BMPR1B: variants seen among roughly 807,000 people sequenced by gnomAD.
BMPR1B encodes bone morphogenetic protein receptor type 1B.
A neutral mutation model predicts 59.1 loss-of-function variants in BMPR1B; 12 were observed. The ratio of observed to expected loss-of-function variants is 0.20; its 90% confidence interval spans 0.13 to 0.33. BMPR1B has a LOEUF of 0.33. Ranked by LOEUF, BMPR1B falls within the 10% of genes least tolerant of loss-of-function variation. The pLI, the probability that BMPR1B is intolerant of heterozygous loss-of-function variation, is 1.00. For synonymous variants in BMPR1B, 237 were observed against 207.3 expected (o/e 1.14, Z -1.23); for missense variants, 550 against 610.9 (o/e 0.90, Z 1.05).
chr4:94,839,434 C>G (rs376949043), intron 1 of BMPR1B, among the ~76,000 whole-genome samples: 20,631 of 145,010 alleles, frequency 0.14, 2,106 homozygotes, highest in Non-Finnish European at 0.18. Flanking sequence ...CTTTATGAAT[C>G]TGGGTGCTCC....
intron 2 of BMPR1B, among the ~76,000 whole-genome samples, chr4:94,936,141 G>A (rs573263763): frequency 9.9e-5 from 15 of 152,284 alleles, no homozygotes; most frequent in South Asian, 2.1e-4. Context: ...TTATCTGACC[G>A]TGGTATTCAT....
chr4:94,867,211 C>A (rs1173101803), intron 1 of BMPR1B, among the ~76,000 whole-genome samples: 4 of 152,134 alleles, frequency 2.6e-5, no homozygotes, highest in African/African-American at 9.7e-5. Context: ...ACCCCATTCT[C>A]AAGCATGCCT....
chr4:95,029,227 C>T (rs1718267349), intron 3 of BMPR1B, among the ~76,000 whole-genome samples: 1 of 151,420 alleles, frequency 6.6e-6, no homozygotes, highest in Admixed American at 6.6e-5. Flanking sequence ...AGGTATATCT[C>T]CTAATGCTAT....
At chr4:95,053,281 T>TTGTGTTTGTGTGTGTGTGTGTGTG in intron 3 of BMPR1B, among the ~76,000 whole-genome samples, 1 of 134,252 alleles carries the variant, frequency 7.4e-6, no homozygotes, top group South Asian at 2.6e-4. Context: ...TGCAGGGCAC[T>TTGTGTTTGTGTGTGTGTGTGTGTG]TGTGTGTGTG....
intron 2 of BMPR1B, among the ~76,000 whole-genome samples, chr4:94,878,897 C>T (rs1303812788): frequency 6.6e-6 from 1 of 152,084 alleles, no homozygotes; most frequent in African/African-American, 2.4e-5. Context: ...CTCTTTGACT[C>T]ATTTATATCA....
intron 8 of BMPR1B, among the ~76,000 whole-genome samples, chr4:95,125,697 A>G (rs1181362836): frequency 1.3e-5 from 2 of 152,206 alleles, no homozygotes; most frequent in South Asian, 2.1e-4. Flanking sequence ...TTTGGTATTA[A>G]TGAATTAGAT....
chr4:94,967,640 GC>G (rs1730603773), intron 2 of BMPR1B, among the ~76,000 whole-genome samples: 1 of 151,936 alleles, frequency 6.6e-6, no homozygotes, highest in African/African-American at 2.4e-5. Flanking sequence ...ACGCCACCAT[GC>G]CCGGCTAATT....
intron 12 of BMPR1B, among the ~76,000 whole-genome samples, chr4:95,153,154 GA>G (rs1295395600): frequency 6.6e-6 from 1 of 151,970 alleles, no homozygotes; most frequent in Non-Finnish European, 1.5e-5. Context: ...TTTGATTAGA[GA>G]AAAAAAGTAG....
Position 95,054,856 on chromosome 4 carries a change from GA to G in BMPR1B, c.-17-49551del, listed in dbSNP as rs576448420. 1.4e-3 allele frequency among the ~76,000 whole-genome samples: 207 copies of G among 152,266 alleles called. 2 individuals carry two copies. The highest frequency in any genetic ancestry group is 2.1e-3 in the Non-Finnish European group (141 of 67,992). ...ATGGTGGCAACAATGTACCCGTCCT[GA>G]CGAGGATAGGCCTCATGTTCCCACA... On this transcript the variant is annotated intron_variant, in intron 3 of 12. Transcript: ENST00000515059.
At chr4:94,931,852 T>C (rs1224639057) in intron 2 of BMPR1B, among the ~76,000 whole-genome samples, 1 of 152,008 alleles carries the variant, frequency 6.6e-6, no homozygotes, top group African/African-American at 2.4e-5. Context: ...GGCGTTTCCA[T>C]TGTCTGGTCA....
chr4:94,936,891 G>C (rs1729325164), intron 2 of BMPR1B, among the ~76,000 whole-genome samples: 1 of 151,894 alleles, frequency 6.6e-6, no homozygotes, highest in Admixed American at 6.6e-5. Context: ...CTCTAAAATA[G>C]TTTGTTAACA....
chr4:94,828,108 G>A (rs1724448141), intron 1 of BMPR1B, among the ~76,000 whole-genome samples: 1 of 152,120 alleles, frequency 6.6e-6, no homozygotes, highest in South Asian at 2.1e-4. Flanking sequence ...TCGTAAATGT[G>A]AACAAATAAA....
chr4:95,041,550 G>A (rs1314654982), intron 3 of BMPR1B, among the ~76,000 whole-genome samples: 1 of 150,832 alleles, frequency 6.6e-6, no homozygotes, highest in Non-Finnish European at 1.5e-5. Flanking sequence ...TGGTAGTCAT[G>A]TTTGCTGAGT....
intron 2 of BMPR1B, among the ~76,000 whole-genome samples, chr4:94,986,850 G>A (rs1280503606): frequency 6.6e-6 from 1 of 151,854 alleles, no homozygotes; most frequent in Non-Finnish European, 1.5e-5. Context: ...GACCATCCTG[G>A]CTAACACGGT....
chr4:95,154,405 C>T (rs1735264896), intron 12 of BMPR1B, 143 bp from the exon 13 acceptor site: 7 of 1,150,364 alleles, frequency 6.1e-6, no homozygotes, highest in East Asian at 2.6e-5. Context: ...ATGAAAAAAG[C>T]TTACAGAATT....
At chr4:95,058,565 C>T (rs556926274) in intron 3 of BMPR1B, among the ~76,000 whole-genome samples, 4 of 152,140 alleles carry the variant, frequency 2.6e-5, no homozygotes, top group Non-Finnish European at 5.9e-5. Flanking sequence ...AACAGGACAT[C>T]TTAAAATTTT....
At position 95,115,919 on chromosome 4, in the gene BMPR1B, A is replaced by T. The variant is rs1051655322; in HGVS notation, c.349+132A>T. On this transcript the variant is annotated intron_variant, in intron 6 of 12. Transcript: ENST00000515059. ...TGGAGCAGAGCACTGAGGCCAGATG[A>T]CATGGAACCATCATTCGAAGACATG... 5.1e-5 allele frequency: 40 copies of T among 784,800 alleles called. No homozygotes were observed. The Admixed American group carries it at 5.7e-4, about 11-fold the overall frequency. The allele number at this position is 784,800 out of a possible 1,614,324, so 48.6% of individuals were successfully genotyped here.
intron 1 of BMPR1B, among the ~76,000 whole-genome samples, chr4:94,775,465 GT>G (rs1290826083): frequency 6.6e-6 from 1 of 152,104 alleles, no homozygotes; most frequent in Non-Finnish European, 1.5e-5. Context: ...CAACAAAGTT[GT>G]TTCCTTTTTT....
rs773095683 is a variant in BMPR1B, at chr4:95,131,332, A to G, written c.896A>G (p.Lys299Arg). ...CTGAAGTCCACCACCCTAGACGCTA[A>G]ATCAATGCTGAAGTTAGCCTACTCT... ...DYLKSTTLDA[K>R]SMLKLAYSSV... Residue 299 changes from lysine to arginine, a missense_variant, in exon 10 of 13, where the codon AAA (lysine) becomes AGA (arginine). Physicochemically the swap from Lys to Arg is conservative, Grantham distance 26. Coordinates refer to ENST00000515059, the MANE Select transcript of BMPR1B (RefSeq NM_001203.3). The G allele has an allele frequency of 1.7e-5, 27 of 1,613,932 alleles. No homozygotes were observed. In the Admixed American group the frequency reaches 3.8e-4, roughly 23 times the overall value.
Sources: gnomAD v4.1 joint callset for allele counts (sites outside exome capture counted in the v4.1 genomes callset) on GRCh38, gnomAD v4.1.1 for gene constraint, MANE v1.5 for transcripts, NCBI Gene and HGNC (gene_info 2026-07-23, HGNC 2026-07-21) for gene names.